The following TP73 variants were observed in gnomAD, a reference collection of about 807,000 sequenced individuals.
The protein encoded by TP73 is tumor protein p73.
Under a neutral mutation model 62.5 loss-of-function variants are expected in TP73, and 25 were observed. The ratio of observed to expected loss-of-function variants is 0.40; its 90% CI spans 0.29 to 0.56. TP73 has a LOEUF of 0.56. TP73 is among the 20% of genes least tolerant of loss of function. The probability of loss-of-function intolerance (pLI) is 0.46; values close to 1 mark genes in which losing one functional copy is unlikely to be tolerated. For missense variants in TP73, 754 were observed against 913.3 expected, an observed-to-expected ratio of 0.83 and a Z score of 2.25; for synonymous variants, 423 against 377.5, an observed-to-expected ratio of 1.12 and a Z score of -1.40.
intron 6 of TP73, among the ~76,000 whole-genome samples, chr1:3,724,209 T>C (rs1641324209): frequency 6.6e-6 from 1 of 151,870 alleles, no homozygotes; most frequent in Non-Finnish European, 1.5e-5. Flanking sequence ...GGTTTGAAGT[T>C]ACTGCGGGAT....
Position 3,707,577 on chromosome 1 carries a change from T to C in TP73, c.215T>C (p.Met72Thr), listed in dbSNP as rs367665102. 8.7e-6 allele frequency: 14 copies of C among 1,612,046 alleles called. No homozygotes were observed. Among genetic ancestry groups the C allele is most frequent in the African/African-American group, 1.3e-5 (1 of 74,954 alleles). Reference protein sequence around the residue: ...MAQFNLLSSTMDQMSSRAASA... With the variant: ...MAQFNLLSSTTDQMSSRAASA... ...CAGTTCAATCTGCTGAGCAGCACCA[T>C]GGACCAGATGAGCAGCCGCGCGGCC... Residue 72 changes from methionine (M) to threonine (T), a missense_variant, in exon 4 of 14, where the codon ATG (methionine) becomes ACG (threonine). Around this residue, in one of 3 missense-constraint regions of TP73, gnomAD observed 235 missense variants for 251.4 expected, o/e 0.93. Transcript: ENST00000378295.
chr1:3,703,110 A>G (rs1158367754), intron 3 of TP73, among the ~76,000 whole-genome samples: 3 of 152,126 alleles, frequency 2.0e-5, no homozygotes, highest in African/African-American at 4.8e-5. Context: ...AGCCCCCTAC[A>G]CTTCCCAGAT....
At chr1:3,682,194 C>A in intron 1 of TP73, 139 bp from the exon 2 acceptor site, 1 of 557,558 alleles carries the variant, frequency 1.8e-6, no homozygotes, top group Non-Finnish European at 3.0e-6. Context: ...GGAGAGGGCA[C>A]AGGGAGGGCA....
chr1:3,699,745 C>T lies in TP73; in HGVS notation c.187-7804C>T, dbSNP rs1481984221. On this transcript the variant is annotated intron_variant, in intron 3 of 13. Transcript: ENST00000378295. This position sits in a 1 kb window ranked among gnomAD's most constrained non-coding sequence, Gnocchi z 4.1. The stretch of plus-strand genomic sequence containing the variant: ...GGGAGCAGGGATGCTCGGGCGGGGG[C>T]AGGAGCTGGAGAGGTGACAGGAGCG... Among the ~76,000 whole-genome samples, 2 of 152,122 alleles carry T rather than the reference C, an allele frequency of 1.3e-5. No individual in the cohort carries two copies. The highest frequency in any genetic ancestry group is 2.9e-5 in the Non-Finnish European group (2 of 68,004).
rs1645623969 is a variant in TP73 at position 3,685,300 on chromosome 1, T to C, written c.186+2120T>C. Among the ~76,000 whole-genome samples the C allele has an allele frequency of 2.6e-5, 4 of 152,096 alleles. No homozygotes were observed. In the South Asian group the frequency reaches 8.3e-4, roughly 32 times the overall value. On this transcript the variant is annotated intron_variant, in intron 3 of 13. Transcript: ENST00000378295. ...CCCTGAGCTCCATATCGGGGTCTGGTCCGAGCCCCCGCCTGCTGGAACGTG... is the reference window on the plus strand; with the variant it reads ...CCCTGAGCTCCATATCGGGGTCTGGCCCGAGCCCCCGCCTGCTGGAACGTG...
intron 1 of TP73, among the ~76,000 whole-genome samples, chr1:3,665,516 G>A (rs554502254): frequency 2.0e-5 from 3 of 152,280 alleles, no homozygotes; most frequent in East Asian, 3.9e-4. Context: ...TACTCTTGAC[G>A]ATGAAGTATA....
intron 13 of TP73, 56 bp downstream of exon 13, chr1:3,731,612 C>T (rs994132338): frequency 1.5e-5 from 22 of 1,516,930 alleles, no homozygotes; most frequent in South Asian, 3.4e-5. Flanking sequence ...GGCCCCTGTC[C>T]GGAGGGCAAA....
chr1:3,705,439 G>A lies in TP73; in HGVS notation c.187-2110G>A, dbSNP rs1244029578. ...GTGGGCAGGGCCCGTGCTGCAGGGGGTCCCCGTTCCACTGGTGGGTGGGCT... is the reference window on the plus strand; with the variant it reads ...GTGGGCAGGGCCCGTGCTGCAGGGGATCCCCGTTCCACTGGTGGGTGGGCT... On this transcript the variant is annotated intron_variant, in intron 3 of 13. Coordinates refer to ENST00000378295, the MANE Select transcript of TP73 (RefSeq NM_005427.4). 2.0e-5 allele frequency among the ~76,000 whole-genome samples: 3 copies of A among 152,364 alleles called. No homozygotes were observed. In the East Asian group the frequency reaches 5.8e-4, roughly 29 times the overall value.
chr1:3,666,891 C>A lies in TP73; in HGVS notation c.-34+14250C>A, dbSNP rs911429084. On this transcript the variant is annotated intron_variant, in intron 1 of 13. Coordinates refer to ENST00000378295, the MANE Select transcript of TP73 (RefSeq NM_005427.4). The surrounding 1 kb of genome is among the most constrained non-coding windows in gnomAD (Gnocchi z 6.4). The stretch of plus-strand genomic sequence containing the variant: ...TATGGTTGGCAAAAAAAAGTGGCTC[C>A]CCAAAGGTCTTCACGTCCCAATCCC... 1.3e-5 allele frequency among the ~76,000 whole-genome samples: 2 copies of A among 152,172 alleles called. No homozygotes were observed. Among genetic ancestry groups the A allele is most frequent in the African/African-American group, 4.8e-5 (2 of 41,432 alleles).
rs1481576208 is a variant in TP73, at chr1:3,670,164, G to A, written c.-33-12169G>A. Among the ~76,000 whole-genome samples the A allele has an allele frequency of 6.6e-6, 1 of 152,108 alleles. No individual in the cohort carries two copies. The highest frequency in any genetic ancestry group is 1.5e-5 in the Non-Finnish European group (1 of 68,024). On this transcript the variant is annotated intron_variant, in intron 1 of 13. Transcript: ENST00000378295. The surrounding 1 kb of genome is among the most constrained non-coding windows in gnomAD (Gnocchi z 5.9). The stretch of plus-strand genomic sequence containing the variant: ...CTGGGTGCGTTTTACACCACTCTGA[G>A]GATCTCTCTGCTCATCCCTAAGGCA...
chr1:3,658,558 C>A (rs1239390794), intron 1 of TP73, among the ~76,000 whole-genome samples: 1 of 152,216 alleles, frequency 6.6e-6, no homozygotes, highest in Non-Finnish European at 1.5e-5. Context: ...CTATCAGTCT[C>A]ATGGTGAGAA....
In TP73 at chr1:3,721,749, G is replaced by A. The variant is rs184795164; in HGVS notation, c.430-272G>A. Reference sequence around the variant, plus strand: ...CCATCCATAAACCTAAAGCCTCTCTGCCTGACTGCCACCGGCACTCACACC... The same window carrying A: ...CCATCCATAAACCTAAAGCCTCTCTACCTGACTGCCACCGGCACTCACACC... On this transcript the variant is annotated intron_variant, in intron 4 of 13. Transcript: ENST00000378295. 9.9e-5 allele frequency among the ~76,000 whole-genome samples: 15 copies of A among 152,190 alleles called. No homozygotes were observed. In the East Asian group the frequency reaches 2.9e-3, roughly 29 times the overall value.
chr1:3,706,409 CCGCAGGCCCGGGGAGGGGGG>C (rs1557542613), intron 3 of TP73, among the ~76,000 whole-genome samples: 10 of 144,032 alleles, frequency 6.9e-5, no homozygotes, highest in East Asian at 2.0e-4. Flanking sequence ...ACGGTGCCCG[CCGCAGGCCCGGGGAGGGGGG>C]TAATAGGGAC....
intron 3 of TP73, among the ~76,000 whole-genome samples, chr1:3,685,982 G>A (rs1196850963): frequency 6.6e-6 from 1 of 152,232 alleles, no homozygotes; most frequent in Non-Finnish European, 1.5e-5. Context: ...TCTAGTGCCG[G>A]ATGTTTCCGG....
intron 4 of TP73, among the ~76,000 whole-genome samples, chr1:3,711,789 CCT>C (rs1388872413): frequency 3.3e-5 from 5 of 152,202 alleles, no homozygotes; most frequent in African/African-American, 1.2e-4. Flanking sequence ...GACACAGCCC[CCT>C]GAGTGCCCTC....
rs757685510 is a variant in TP73, at chr1:3,701,124, A to G, written c.187-6425A>G. On this transcript the variant is annotated intron_variant, in intron 3 of 13. Coordinates refer to ENST00000378295, the MANE Select transcript of TP73 (RefSeq NM_005427.4). This position sits in a 1 kb window ranked among gnomAD's most constrained non-coding sequence, Gnocchi z 4.7. ...TGGATTTCAGGGTCTGTTTCATCCA[A>G]CCAAGAGTTTCTGAGCGTCCTGTCG... Among the ~76,000 whole-genome samples the G allele has an allele frequency of 9.2e-5, 14 of 152,184 alleles. No individual in the cohort carries two copies. The highest frequency in any genetic ancestry group is 1.8e-4 in the Non-Finnish European group (12 of 67,988).
At chr1:3,660,288 T>C (rs1168632453) in intron 1 of TP73, among the ~76,000 whole-genome samples, 1 of 152,246 alleles carries the variant, frequency 6.6e-6, no homozygotes, top group East Asian at 1.9e-4. Context: ...CCCGTGAGGC[T>C]GCAGAAGCCC....
Position 3,733,245 on chromosome 1 carries a change from C to A in TP73, c.*166C>A. 1.2e-6 allele frequency: 1 copy of A among 838,306 alleles called. No individual in the cohort carries two copies. Among genetic ancestry groups the A allele is most frequent in the South Asian group, 1.8e-5 (1 of 54,896 alleles). The allele number at this position is 838,306 out of a possible 1,614,324, so 51.9% of individuals were successfully genotyped here. On this transcript the variant is annotated 3_prime_UTR_variant, in exon 14 of 14. Transcript: ENST00000378295. ...GGCACCTCACAGGCCCCAGGAAAGG[C>A]CCAGCCACCGAAGCCGCCTGTGGAC...
chr1:3,729,598 C>T, intron 10 of TP73, 150 bp downstream of exon 10: 10 of 1,397,756 alleles, frequency 7.2e-6, no homozygotes, highest in Non-Finnish European at 1.0e-5. Context: ...CCCCACATCT[C>T]CTCCTCCAGG....
Sources: gnomAD v4.1 joint callset for allele counts (sites outside exome capture counted in the v4.1 genomes callset) on GRCh38, gnomAD v4.1.1 for gene constraint, gnomAD v4.1.1 regional missense constraint, Gnocchi (gnomAD v3.1) non-coding constraint, MANE v1.5 for transcripts, NCBI Gene and HGNC (gene_info 2026-07-23, HGNC 2026-07-21) for gene names.